The following NCAM2 variants were observed in gnomAD, a reference collection of about 807,000 sequenced individuals.
NCAM2 encodes N-CAM-2.
A neutral mutation model predicts 98.1 loss-of-function variants in NCAM2; 30 were observed. The observed-to-expected ratio is 0.31, with a 90% CI of 0.23 to 0.41. NCAM2 has a LOEUF of 0.41. Ranked by LOEUF, NCAM2 falls within the 10% of genes least tolerant of loss-of-function variation. The pLI is 1.00. For missense variants in NCAM2, 867 were observed against 1,005.8 expected (o/e 0.86, Z 1.87); for synonymous variants, 368 against 342.4 (o/e 1.07, Z -0.83).
intron 1 of NCAM2, among the ~76,000 whole-genome samples, chr21:21,095,923 A>G (rs1363543402): frequency 6.6e-6 from 1 of 151,560 alleles, no homozygotes; most frequent in Non-Finnish European, 1.5e-5. Flanking sequence ...TACTATATGT[A>G]TCATTTTAAG....
intron 1 of NCAM2, among the ~76,000 whole-genome samples, chr21:21,191,059 A>G (rs2068805271): frequency 1.3e-5 from 2 of 152,200 alleles, no homozygotes; most frequent in Admixed American, 6.5e-5. Context: ...CTCTCTAGAT[A>G]TAGTATAAAA....
intron 6 of NCAM2, among the ~76,000 whole-genome samples, chr21:21,330,239 T>A (rs1014049431): frequency 6.6e-6 from 1 of 152,124 alleles, no homozygotes; most frequent in Non-Finnish European, 1.5e-5. Context: ...GGTGGACTCA[T>A]GTCATTGATT....
chr21:21,212,417 G>A (rs1459259968), intron 1 of NCAM2, among the ~76,000 whole-genome samples: 1 of 152,208 alleles, frequency 6.6e-6, no homozygotes, highest in Non-Finnish European at 1.5e-5. Context: ...AGAAGGAAAT[G>A]AGTGTGAGTA....
chr21:21,399,155 G>T (rs1326348981), intron 9 of NCAM2, among the ~76,000 whole-genome samples: 1 of 152,170 alleles, frequency 6.6e-6, no homozygotes, highest in African/African-American at 2.4e-5. Flanking sequence ...TATTTAATGA[G>T]AAATATGGTT....
chr21:21,469,861 C>T (rs1984204578), intron 14 of NCAM2, among the ~76,000 whole-genome samples: 1 of 151,942 alleles, frequency 6.6e-6, no homozygotes, highest in Non-Finnish European at 1.5e-5. Flanking sequence ...CAAGTGAGGT[C>T]TCCTGGCCAT....
chr21:21,214,746 T>TATATATATATACATATATATAC (rs11268201), intron 1 of NCAM2, among the ~76,000 whole-genome samples: 2 of 100,604 alleles, frequency 2.0e-5, no homozygotes, highest in African/African-American at 6.5e-5. Context: ...TATATATATA[T>TATATATATATACATATATATAC]ACACTATATA....
intron 1 of NCAM2, among the ~76,000 whole-genome samples, chr21:21,081,174 C>T (rs922535240): frequency 1.3e-5 from 2 of 152,056 alleles, no homozygotes; most frequent in African/African-American, 4.8e-5. Context: ...CTCACTTAGG[C>T]GTTCTTCCCT....
At chr21:21,330,882 A>G (rs942071069) in intron 6 of NCAM2, among the ~76,000 whole-genome samples, 10 of 152,074 alleles carry the variant, frequency 6.6e-5, no homozygotes, top group Non-Finnish European at 1.3e-4. Context: ...AAGTTACGTC[A>G]CTATGTCTTC....
intron 1 of NCAM2, among the ~76,000 whole-genome samples, chr21:21,021,149 A>G (rs2064427084): frequency 6.6e-6 from 1 of 152,106 alleles, no homozygotes; most frequent in African/African-American, 2.4e-5. Context: ...ATGGGAAACT[A>G]TACTTAAGCA....
At chr21:21,100,081 CA>C (rs987482330) in intron 1 of NCAM2, among the ~76,000 whole-genome samples, 2 of 151,880 alleles carry the variant, frequency 1.3e-5, no homozygotes, top group Non-Finnish European at 2.9e-5. Context: ...TAGCCAAAAA[CA>C]GCAAAGAAAA....
At chr21:21,161,996 T>G (rs1007142067) in intron 1 of NCAM2, among the ~76,000 whole-genome samples, 8 of 152,066 alleles carry the variant, frequency 5.3e-5, no homozygotes, top group Admixed American at 6.6e-5. Context: ...TCTTATTCAC[T>G]CTCTGCATTA....
chr21:21,309,556 TCTTTCC>T (rs2073980869), intron 5 of NCAM2, among the ~76,000 whole-genome samples: 1 of 152,200 alleles, frequency 6.6e-6, no homozygotes, highest in Admixed American at 6.5e-5. Context: ...TTTGCACAGT[TCTTTCC>T]CTGGCCTCAG....
chr21:21,271,921 C>G (rs1401030815), intron 1 of NCAM2, among the ~76,000 whole-genome samples: 1 of 152,018 alleles, frequency 6.6e-6, no homozygotes, highest in Non-Finnish European at 1.5e-5. Flanking sequence ...GGAGGGATAG[C>G]ATTAGGAGAT....
chr21:21,460,241 CTCTGTACTCTAGTTTTATATTAATA>C (rs1187463787), intron 12 of NCAM2, among the ~76,000 whole-genome samples: 1 of 151,858 alleles, frequency 6.6e-6, no homozygotes, highest in Non-Finnish European at 1.5e-5. Context: ...ACAAAGTGCT[CTCTGTACTCTAGTTTTATATTAATA>C]GGTCAATATA....
intron 6 of NCAM2, among the ~76,000 whole-genome samples, chr21:21,324,987 T>C (rs1985598421): frequency 1.3e-5 from 1 of 76,522 alleles, no homozygotes; most frequent in Non-Finnish European, 3.3e-5. Context: ...TTTTTAAAAA[T>C]TACCTCATCA....
chr21:21,083,836 A>C (rs1300165354), intron 1 of NCAM2, among the ~76,000 whole-genome samples: 1 of 152,174 alleles, frequency 6.6e-6, no homozygotes, highest in Non-Finnish European at 1.5e-5. Flanking sequence ...ATTTTGGAAA[A>C]TGGTAATGTA....
chr21:21,405,324 T>C (rs1406161648), intron 9 of NCAM2, among the ~76,000 whole-genome samples: 1 of 152,084 alleles, frequency 6.6e-6, no homozygotes, highest in Admixed American at 6.6e-5. Flanking sequence ...GATGGGAGCA[T>C]TGTAATATAT....
In NCAM2 at chr21:21,332,271, T is replaced by C. The variant is rs140421365; in HGVS notation, c.738-3234T>C. ...TGTTTTGGGGTGCTGAATATTTTTG[T>C]ATTATTTTACTTTGTTTTATAGATG... On this transcript the variant is annotated intron_variant, in intron 6 of 17. Transcript: ENST00000400546. Among the ~76,000 whole-genome samples the C allele has an allele frequency of 8.3e-3, 1,261 of 152,266 alleles. 10 individuals carry two copies. Among genetic ancestry groups the C allele is most frequent in the South Asian group, 0.017 (82 of 4,820 alleles).
intron 1 of NCAM2, among the ~76,000 whole-genome samples, chr21:21,201,728 A>G (rs191638122): frequency 1.4e-4 from 22 of 152,304 alleles, no homozygotes; most frequent in African/African-American, 5.1e-4. Flanking sequence ...GTTCATTCCT[A>G]GCTGCACGAT....
Sources: allele counts gnomAD v4.1 joint callset (sites outside exome capture counted in the v4.1 genomes callset), GRCh38; gene constraint gnomAD v4.1.1; transcripts MANE v1.5; gene names NCBI Gene and HGNC (gene_info 2026-07-23, HGNC 2026-07-21).